The following PLPPR4 variants were observed in gnomAD, a reference collection of about 807,000 sequenced individuals.
PLPPR4 encodes phospholipid phosphatase-related protein type 4.
Under a neutral mutation model 56.6 loss-of-function variants are expected in PLPPR4, and 24 were observed. The ratio of observed to expected loss-of-function variants is 0.42; its 90% confidence interval spans 0.31 to 0.60. PLPPR4 has a LOEUF of 0.60. PLPPR4 is among the 20% of genes least tolerant of loss of function. The pLI is 0.13. For synonymous variants in PLPPR4, 326 were observed against 328.1 expected (o/e 0.99, Z 0.07); for missense variants, 654 against 885.8 (o/e 0.74, Z 3.32).
chr1:99,270,046 G>GTGTGTGT (rs1659015354), intron 1 of PLPPR4, among the ~76,000 whole-genome samples: 1 of 110,142 alleles, frequency 9.1e-6, no homozygotes, highest in African/African-American at 3.7e-5. Context: ...TGTGTGTGTG[G>GTGTGTGT]CAGGGTCTTG....
At chr1:99,287,287 A>G (rs1433902269) in intron 1 of PLPPR4, among the ~76,000 whole-genome samples, 2 of 152,080 alleles carry the variant, frequency 1.3e-5, no homozygotes, top group African/African-American at 2.4e-5. Context: ...TATCCAGTCT[A>G]TCATTGATAG....
rs751253951 is a variant in PLPPR4 at position 99,296,784 on chromosome 1, G to A, written c.311G>A (p.Arg104Lys). The change falls in exon 3 of 7, where the codon AGA (arginine) becomes AAA (lysine). Residue 104 changes from arginine to lysine, a missense_variant. Around this residue, in one of 2 missense-constraint regions of PLPPR4, gnomAD observed 186 missense variants for 331.4 expected, o/e 0.56. Coordinates refer to ENST00000370185, the MANE Select transcript of PLPPR4 (RefSeq NM_014839.5). Reference sequence around the variant, plus strand: ...CTCTACTGTTGCCTCTCCAAAAGAAGAAATGGGGTCGGACTAGAGCCCAAC... The same window carrying A: ...CTCTACTGTTGCCTCTCCAAAAGAAAAAATGGGGTCGGACTAGAGCCCAAC... ...GILYCCLSKR[R>K]NGVGLEPNIN... 14 of 1,606,706 alleles carry A rather than the reference G, an allele frequency of 8.7e-6. No homozygotes were observed. The South Asian group carries it at 1.4e-4, about 17-fold the overall frequency.
At chr1:99,305,217 T>C (rs1659988205) in intron 6 of PLPPR4, among the ~76,000 whole-genome samples, 1 of 152,140 alleles carries the variant, frequency 6.6e-6, no homozygotes, top group African/African-American at 2.4e-5. Flanking sequence ...CCAGATATCA[T>C]TTTTTATAAA....
At chr1:99,294,695 CAA>C (rs58586815) in intron 2 of PLPPR4, among the ~76,000 whole-genome samples, 201 of 62,928 alleles carry the variant, frequency 3.2e-3, no homozygotes, top group African/African-American at 1.0e-2. Flanking sequence ...GACTCAGTCT[CAA>C]AAAAAAAAAA....
At chr1:99,294,006 C>T (rs1269811157) in intron 2 of PLPPR4, among the ~76,000 whole-genome samples, 1 of 151,944 alleles carries the variant, frequency 6.6e-6, no homozygotes, top group Admixed American at 6.6e-5. Flanking sequence ...TTGTTGTAAA[C>T]TGTTTTCTGT....
intron 5 of PLPPR4, among the ~76,000 whole-genome samples, 182 bp downstream of exon 5, chr1:99,301,148 A>G (rs1270009377): frequency 6.6e-6 from 1 of 152,110 alleles, no homozygotes; most frequent in African/African-American, 2.4e-5. Flanking sequence ...AAAAAATAGT[A>G]CAGTAAAAGA....
intron 1 of PLPPR4, among the ~76,000 whole-genome samples, chr1:99,271,938 G>C (rs923337242): frequency 2.1e-5 from 3 of 142,308 alleles, no homozygotes; most frequent in Non-Finnish European, 3.0e-5. Context: ...GTGTGTGTGT[G>C]TGTGTGATGG....
At chr1:99,281,487 G>A (rs2100792829) in intron 1 of PLPPR4, among the ~76,000 whole-genome samples, 1 of 152,198 alleles carries the variant, frequency 6.6e-6, no homozygotes, top group South Asian at 2.1e-4. Context: ...CAGCCAATCT[G>A]AATATGCTAT....
chr1:99,295,789 G>T (rs1393251994), intron 2 of PLPPR4, among the ~76,000 whole-genome samples: 1 of 152,178 alleles, frequency 6.6e-6, no homozygotes, highest in East Asian at 1.9e-4. Context: ...CAGGCACTGT[G>T]CTTGACAAGT....
At chr1:99,300,770 A>G in intron 4 of PLPPR4, 139 bp from the exon 5 acceptor site, 1 of 668,556 alleles carries the variant, frequency 1.5e-6, no homozygotes, top group Non-Finnish European at 2.7e-6. Flanking sequence ...TTTCACCAGA[A>G]AGCTGGACAG....
intron 3 of PLPPR4, among the ~76,000 whole-genome samples, chr1:99,297,271 G>A (rs1267058092): frequency 6.6e-6 from 1 of 152,062 alleles, no homozygotes; most frequent in Non-Finnish European, 1.5e-5. Context: ...CAATTGTCCT[G>A]GAGTGTTTCC....
intron 2 of PLPPR4, among the ~76,000 whole-genome samples, chr1:99,292,970 T>C (rs1474809341): frequency 6.6e-6 from 1 of 152,148 alleles, no homozygotes; most frequent in Non-Finnish European, 1.5e-5. Context: ...ATTTCTGACT[T>C]CAAGGATGCC....
intron 5 of PLPPR4, 71 bp downstream of exon 5, chr1:99,301,037 T>A: frequency 7.5e-7 from 1 of 1,332,008 alleles, no homozygotes; most frequent in Non-Finnish European, 1.1e-6. Context: ...TGTCTCCAGG[T>A]GACTAATTGG....
rs923669850 is a variant in PLPPR4 at position 99,264,616 on chromosome 1, A to G, written c.23A>G (p.Lys8Arg). 3.9e-6 allele frequency: 6 copies of G among 1,550,648 alleles called. No homozygotes were observed. In the African/African-American group the frequency reaches 6.8e-5, roughly 18 times the overall value. MSAKERP[K>R]GKVIKDSVTL... ...GGGATGTCGGCGAAGGAGAGGCCAAAGGGCAAAGTGATCAAGGACAGCGTC... is the reference window on the plus strand; with the variant it reads ...GGGATGTCGGCGAAGGAGAGGCCAAGGGGCAAAGTGATCAAGGACAGCGTC... Residue 8 changes from lysine (K) to arginine (R), a missense_variant, in exon 1 of 7, where the codon AAG becomes AGG. Physicochemically the swap from Lys to Arg is conservative, Grantham distance 26 (BLOSUM62 2). Around this residue, in one of 2 missense-constraint regions of PLPPR4, gnomAD observed 186 missense variants for 331.4 expected, o/e 0.56. Coordinates refer to ENST00000370185, the MANE Select transcript of PLPPR4 (RefSeq NM_014839.5).
intron 1 of PLPPR4, among the ~76,000 whole-genome samples, chr1:99,271,396 A>G (rs1659056855): frequency 6.6e-6 from 1 of 152,170 alleles, no homozygotes; most frequent in African/African-American, 2.4e-5. Context: ...ACTACACCAT[A>G]CTGTCTCACA....
intron 1 of PLPPR4, among the ~76,000 whole-genome samples, chr1:99,268,698 CA>C (rs767450828): frequency 7.9e-5 from 12 of 152,168 alleles, no homozygotes; most frequent in Non-Finnish European, 1.3e-4. Context: ...CTCAGTTTTA[CA>C]CTGTACAGCC....
At chr1:99,276,439 ATACT>A (rs1295715374) in intron 1 of PLPPR4, among the ~76,000 whole-genome samples, 1 of 152,162 alleles carries the variant, frequency 6.6e-6, no homozygotes, top group East Asian at 1.9e-4. Flanking sequence ...AATAAAATTG[ATACT>A]TTATTTTAAT....
At chr1:99,300,850 A>T in intron 4 of PLPPR4, 59 bp from the exon 5 acceptor site, 2 of 1,269,372 alleles carry the variant, frequency 1.6e-6, no homozygotes, top group Non-Finnish European at 2.3e-6. Context: ...TGTCTTTGAG[A>T]TGATTGCTAG....
At chr1:99,273,868 T>C (rs1386327541) in intron 1 of PLPPR4, among the ~76,000 whole-genome samples, 2 of 152,114 alleles carry the variant, frequency 1.3e-5, no homozygotes, top group East Asian at 3.9e-4. Context: ...TGTAAAGTGA[T>C]CATAAATTGC....
Sources: allele counts gnomAD v4.1 joint callset (sites outside exome capture counted in the v4.1 genomes callset), GRCh38; gene constraint gnomAD v4.1.1; regional missense constraint gnomAD v4.1.1; transcripts MANE v1.5; gene names NCBI Gene and HGNC (gene_info 2026-07-23, HGNC 2026-07-21).